Variants in DNAH14 observed in about 807,000 individuals in gnomAD.
DNAH14 encodes axonemal beta dynein heavy chain 14.
A neutral mutation model predicts 520.9 loss-of-function variants in DNAH14; 478 were observed. The ratio of observed to expected loss-of-function variants is 0.92; its 90% CI spans 0.85 to 0.99. DNAH14 has a LOEUF of 0.99. Ranked by LOEUF, DNAH14 falls within the 50% of genes least tolerant of loss-of-function variation. The pLI, the probability that DNAH14 is intolerant of heterozygous loss-of-function variation, is 0.00. For synonymous variants in DNAH14, 1,581 were observed against 1,757.2 expected (o/e 0.90, Z 2.51); for missense variants, 4,831 against 5,234.5 (o/e 0.92, Z 2.38).
chr1:225,055,507 T>C (rs2068946601), intron 17 of DNAH14, among the ~76,000 whole-genome samples: 1 of 151,824 alleles, frequency 6.6e-6, no homozygotes, highest in Non-Finnish European at 1.5e-5. Flanking sequence ...TGTACAACCA[T>C]AGCTAAATTA....
At chr1:224,965,684 T>C (rs2061124005) in intron 5 of DNAH14, among the ~76,000 whole-genome samples, 2 of 152,118 alleles carry the variant, frequency 1.3e-5, no homozygotes, top group Admixed American at 6.6e-5. Context: ...ATTCACCTGG[T>C]TTTGAACCTA....
At chr1:225,304,007 C>G (rs187949786) in intron 57 of DNAH14, among the ~76,000 whole-genome samples, 504 of 151,130 alleles carry the variant, frequency 3.3e-3, no homozygotes, top group Non-Finnish European at 5.6e-3. Context: ...CAGAGTAGAA[C>G]CAGAAGAAAA....
intron 23 of DNAH14, among the ~76,000 whole-genome samples, chr1:225,102,897 G>C (rs2075645928): frequency 6.6e-6 from 1 of 152,084 alleles, no homozygotes; most frequent in South Asian, 2.1e-4. Flanking sequence ...AGTTTAATTA[G>C]ATCCCATTTG....
At chr1:225,272,916 A>AT (rs772122610) in intron 51 of DNAH14, 39 bp from the exon 52 acceptor site, 18 of 1,487,900 alleles carry the variant, frequency 1.2e-5, no homozygotes, top group South Asian at 4.1e-5. Flanking sequence ...TACCCTGCTA[A>AT]TTTTTTTTAA....
chr1:225,141,131 G>A lies in DNAH14; in HGVS notation c.4508+110G>A, dbSNP rs943796157. The A allele has an allele frequency of 3.6e-6, 4 of 1,106,848 alleles. No homozygotes were observed. The African/African-American group carries it at 4.7e-5, about 13-fold the overall frequency. The allele number at this position is 1,106,848 out of a possible 1,614,324, so 68.6% of individuals were successfully genotyped here. ...TCAAACTTGAGTTTTAATTTTGGGG[G>A]CTTTACCAAAATTCTAAGCAAACTG... is the stretch of plus-strand genomic sequence containing the variant. On this transcript the variant is annotated intron_variant, in intron 28 of 85. Coordinates refer to ENST00000682510, the MANE Select transcript of DNAH14 (RefSeq NM_001367479.1).
intron 43 of DNAH14, among the ~76,000 whole-genome samples, chr1:225,251,694 T>C (rs2092558858): frequency 6.6e-6 from 1 of 151,942 alleles, no homozygotes. Context: ...CAAAGATATA[T>C]CCAGAATAGA....
At chr1:225,379,313 C>T (rs929612186) in intron 79 of DNAH14, among the ~76,000 whole-genome samples, 2 of 151,920 alleles carry the variant, frequency 1.3e-5, no homozygotes, top group African/African-American at 4.8e-5. Flanking sequence ...TACATATTTC[C>T]TTGCAAATGT....
intron 1 of DNAH14, among the ~76,000 whole-genome samples, chr1:224,945,094 A>G (rs1375397729): frequency 5.3e-5 from 8 of 152,164 alleles, no homozygotes; most frequent in East Asian, 1.9e-4. Flanking sequence ...GTGTTTTCCA[A>G]CTTGGTTCCA....
At chr1:225,174,096 C>T (rs1467571336) in intron 36 of DNAH14, among the ~76,000 whole-genome samples, 1 of 152,032 alleles carries the variant, frequency 6.6e-6, no homozygotes, top group African/African-American at 2.4e-5. Context: ...GAACATCACA[C>T]ACCAGGGCCT....
chr1:225,269,646 A>G (rs1364658097), intron 49 of DNAH14, among the ~76,000 whole-genome samples: 8 of 152,210 alleles, frequency 5.3e-5, no homozygotes, highest in Admixed American at 5.2e-4. Flanking sequence ...AAAATCAAAC[A>G]ACTCCATCAA....
intron 33 of DNAH14, among the ~76,000 whole-genome samples, chr1:225,153,330 A>C (rs1462564367): frequency 6.6e-6 from 1 of 152,136 alleles, no homozygotes; most frequent in African/African-American, 2.4e-5. Context: ...AACAAGTTTT[A>C]AACTGTTACT....
At chr1:225,102,640 A>G (rs926965257) in intron 23 of DNAH14, among the ~76,000 whole-genome samples, 1 of 152,208 alleles carries the variant, frequency 6.6e-6, no homozygotes, top group Middle Eastern at 3.2e-3. Flanking sequence ...TCTGATGGCC[A>G]GTGATGATGA....
intron 16 of DNAH14, among the ~76,000 whole-genome samples, chr1:225,050,752 G>A (rs1395353824): frequency 7.2e-5 from 11 of 152,150 alleles, no homozygotes; most frequent in Non-Finnish European, 1.3e-4. Flanking sequence ...TACGTCTTTG[G>A]TGAATTGGGT....
rs370410795 is a variant in DNAH14, at chr1:225,185,403, C to G, written c.5648C>G (p.Ala1883Gly). 5.6e-5 allele frequency: 86 copies of G among 1,534,074 alleles called. No homozygotes were observed. In the African/African-American group the frequency reaches 1.1e-3, roughly 19 times the overall value. Residue 1883 changes from alanine to glycine, a missense_variant, in exon 37 of 86, where the codon GCA (alanine) becomes GGA (glycine). By Grantham distance (60) the Ala-to-Gly change is moderately conservative (BLOSUM62 0). Coordinates refer to ENST00000682510, the MANE Select transcript of DNAH14 (RefSeq NM_001367479.1). ...CCAATTGCAGACTTCTTATCAGTTG[C>G]AGAAAGAAAATCTGCTTCAAAGGTA... ...LLPIADFLSV[A>G]ERKSASKISE...
intron 65 of DNAH14, 90 bp from the exon 66 acceptor site, chr1:225,333,201 T>C: frequency 9.4e-7 from 1 of 1,061,926 alleles, no homozygotes; most frequent in Non-Finnish European, 1.3e-6. Flanking sequence ...GTAATTGCAA[T>C]GATAGATCCA....
chr1:225,324,449 G>GTAT, intron 63 of DNAH14, 96 bp downstream of exon 63: 3 of 1,449,442 alleles, frequency 2.1e-6, no homozygotes, highest in Non-Finnish European at 2.8e-6. Flanking sequence ...ATGAACTTGA[G>GTAT]TGGAAAGGAT....
intron 27 of DNAH14, among the ~76,000 whole-genome samples, chr1:225,140,307 C>T (rs772621079): frequency 6.6e-6 from 1 of 152,130 alleles, no homozygotes; most frequent in African/African-American, 2.4e-5. Flanking sequence ...CAGTAGACTT[C>T]TTAAAACATC....
chr1:225,390,405 A>C, intron 83 of DNAH14, among the ~76,000 whole-genome samples: 1 of 152,210 alleles, frequency 6.6e-6, no homozygotes, highest in South Asian at 2.1e-4. Flanking sequence ...TAAAGGGGTG[A>C]CGCTGGGCTG....
chr1:225,209,482 C>A (rs2088047613), intron 41 of DNAH14, among the ~76,000 whole-genome samples: 1 of 152,134 alleles, frequency 6.6e-6, no homozygotes, highest in African/African-American at 2.4e-5. Context: ...AGGGTCTGTG[C>A]ACCTGAGCCT....
Sources: allele counts gnomAD v4.1 joint callset (sites outside exome capture counted in the v4.1 genomes callset), GRCh38; gene constraint gnomAD v4.1.1; transcripts MANE v1.5; gene names NCBI Gene and HGNC (gene_info 2026-07-23, HGNC 2026-07-21).